The following LRMDA variants were observed in gnomAD, a reference collection of about 807,000 sequenced individuals.
LRMDA encodes the protein leucine-rich melanocyte differentiation-associated protein.
LRMDA carries 18 observed loss-of-function variants against 29.8 expected under a neutral mutation model. The observed-to-expected ratio is 0.60, with a 90% CI of 0.42 to 0.90. The LOEUF (loss-of-function observed/expected upper bound fraction) is 0.90, where lower values mean the gene tolerates loss of function less well. Among genes scored for constraint, LRMDA ranks in the 40% least tolerant of loss-of-function variants. The pLI, the probability that LRMDA is intolerant of heterozygous loss-of-function variation, is 0.00. For missense variants in LRMDA, 273 were observed against 273.9 expected, an observed-to-expected ratio of 1.00 and a Z score of 0.02; for synonymous variants, 125 against 109.4, an observed-to-expected ratio of 1.14 and a Z score of -0.89.
chr10:75,722,895 A>AT (rs1211101099), intron 2 of LRMDA, among the ~76,000 whole-genome samples: 1 of 152,178 alleles, frequency 6.6e-6, no homozygotes, highest in African/African-American at 2.4e-5. Context: ...TCATTAACTT[A>AT]TATAGCCTGG....
At chr10:75,814,193 G>A (rs1006567602) in intron 2 of LRMDA, among the ~76,000 whole-genome samples, 2 of 152,184 alleles carry the variant, frequency 1.3e-5, no homozygotes, top group African/African-American at 4.8e-5. Flanking sequence ...GCCCTAATAT[G>A]CAGTGGCTCA....
intron 2 of LRMDA, among the ~76,000 whole-genome samples, chr10:76,023,160 G>C (rs1486472244): frequency 6.6e-6 from 1 of 151,566 alleles, no homozygotes; most frequent in Non-Finnish European, 1.5e-5. Flanking sequence ...ATCCATTATG[G>C]CTTCTTATCT....
intron 2 of LRMDA, among the ~76,000 whole-genome samples, chr10:75,531,637 G>T (rs956110964): frequency 6.6e-6 from 1 of 152,208 alleles, no homozygotes; most frequent in African/African-American, 2.4e-5. Context: ...TGGCTCTAAA[G>T]CCAGCACTCT....
At chr10:75,998,033 C>T (rs981794968) in intron 2 of LRMDA, among the ~76,000 whole-genome samples, 14 of 152,080 alleles carry the variant, frequency 9.2e-5, no homozygotes, top group African/African-American at 2.4e-4. Context: ...GCAAGGGGTA[C>T]AAAGATGCGT....
chr10:75,919,200 T>C (rs1419472491), intron 2 of LRMDA, among the ~76,000 whole-genome samples: 2 of 152,196 alleles, frequency 1.3e-5, no homozygotes, highest in Non-Finnish European at 2.9e-5. Context: ...TGGCCTCTGA[T>C]TCCTGGCTCT....
intron 2 of LRMDA, among the ~76,000 whole-genome samples, chr10:75,646,627 A>T (rs1841524995): frequency 6.6e-6 from 1 of 152,210 alleles, no homozygotes; most frequent in Admixed American, 6.5e-5. Flanking sequence ...CCATTTCACT[A>T]AAGTAATTGG....
At chr10:75,596,897 G>A (rs1840795894) in intron 2 of LRMDA, among the ~76,000 whole-genome samples, 1 of 151,880 alleles carries the variant, frequency 6.6e-6, no homozygotes, top group Admixed American at 6.6e-5. Context: ...CACAGTAAGT[G>A]GAATTGGTGG....
At chr10:75,718,227 T>C (rs551328480) in intron 2 of LRMDA, among the ~76,000 whole-genome samples, 4 of 152,316 alleles carry the variant, frequency 2.6e-5, no homozygotes, top group East Asian at 1.9e-4. Flanking sequence ...AGTTTGTGGA[T>C]TGGCCGTGGA....
chr10:75,839,495 A>G (rs1162615788), intron 2 of LRMDA, among the ~76,000 whole-genome samples: 1 of 151,642 alleles, frequency 6.6e-6, no homozygotes, highest in Non-Finnish European at 1.5e-5. Context: ...CCATAACATG[A>G]TATCAGCCTT....
chr10:76,117,952 A>G (rs1056062288), intron 5 of LRMDA, among the ~76,000 whole-genome samples: 9 of 152,186 alleles, frequency 5.9e-5, no homozygotes, highest in African/African-American at 1.7e-4. Flanking sequence ...TCAGGCTTTC[A>G]TAACCCACAA....
At chr10:75,688,214 T>C (rs569226888) in intron 2 of LRMDA, among the ~76,000 whole-genome samples, 2 of 152,312 alleles carry the variant, frequency 1.3e-5, no homozygotes, top group African/African-American at 4.8e-5. Context: ...GTGATTTCTC[T>C]GATGGATCTG....
At chr10:76,082,205 T>C (rs1849060285) in intron 5 of LRMDA, among the ~76,000 whole-genome samples, 1 of 152,186 alleles carries the variant, frequency 6.6e-6, no homozygotes, top group Admixed American at 6.5e-5. Flanking sequence ...TGCGTGGATC[T>C]GTGTATACGC....
rs575333700 is a variant in LRMDA at position 76,537,420 on chromosome 10, C to T, written c.602-19789C>T. 9.2e-5 allele frequency among the ~76,000 whole-genome samples: 14 copies of T among 152,318 alleles called. No homozygotes were observed. In the South Asian group the frequency reaches 2.9e-3, roughly 32 times the overall value. On this transcript the variant is annotated intron_variant, in intron 6 of 6. Coordinates refer to ENST00000611255, the MANE Select transcript of LRMDA (RefSeq NM_001305581.2). ...CACCTTCTTCTTATGCTTATCCTTT[C>T]TCTCTGTAGGTCAGAAGTCTGACCT...
intron 6 of LRMDA, among the ~76,000 whole-genome samples, chr10:76,410,927 C>G (rs1452168951): frequency 8.1e-4 from 123 of 152,238 alleles, no homozygotes; most frequent in Non-Finnish European, 5.9e-5. Context: ...GCCTGGGCAA[C>G]AGAGCGAGAC....
chr10:75,794,192 G>C (rs1451163328), intron 2 of LRMDA, among the ~76,000 whole-genome samples: 2 of 152,192 alleles, frequency 1.3e-5, no homozygotes, highest in African/African-American at 4.8e-5. Context: ...TTTACATAGA[G>C]TGAAATGCAC....
chr10:76,284,966 A>G (rs1301761203), intron 5 of LRMDA, among the ~76,000 whole-genome samples: 1 of 152,114 alleles, frequency 6.6e-6, no homozygotes, highest in Non-Finnish European at 1.5e-5. Context: ...CTTTTTCTTT[A>G]TAAATTACCC....
chr10:75,996,431 A>C (rs1847463456), intron 2 of LRMDA, among the ~76,000 whole-genome samples: 1 of 152,176 alleles, frequency 6.6e-6, no homozygotes, highest in South Asian at 2.1e-4. Context: ...AGAATTGGCA[A>C]TTTCATTTGC....
chr10:75,864,510 T>A (rs993200634), intron 2 of LRMDA, among the ~76,000 whole-genome samples: 2 of 152,182 alleles, frequency 1.3e-5, no homozygotes, highest in African/African-American at 4.8e-5. Flanking sequence ...TGGTTTATAA[T>A]ATACTATTTG....
At chr10:75,697,854 T>TGTGTGTGTGTGTGTGTGC (rs1443157627) in intron 2 of LRMDA, among the ~76,000 whole-genome samples, 7 of 151,502 alleles carry the variant, frequency 4.6e-5, no homozygotes, top group African/African-American at 1.5e-4. Context: ...TGTGTGTGCG[T>TGTGTGTGTGTGTGTGTGC]GTGTGTGTGT....
Sources: gnomAD v4.1 joint callset for allele counts (sites outside exome capture counted in the v4.1 genomes callset) on GRCh38, gnomAD v4.1.1 for gene constraint, MANE v1.5 for transcripts, NCBI Gene and HGNC (gene_info 2026-07-23, HGNC 2026-07-21) for gene names.